The following GPC6 variants were observed in gnomAD, a reference collection of about 807,000 sequenced individuals.
GPC6 encodes glypican-6.
Under a neutral mutation model 55.2 loss-of-function variants are expected in GPC6, and 14 were observed. The observed-to-expected ratio is 0.25, with a 90% CI of 0.17 to 0.40. The LOEUF (loss-of-function observed/expected upper bound fraction) is 0.40, where lower values mean the gene tolerates loss of function less well. Among genes scored for constraint, GPC6 ranks in the 10% least tolerant of loss-of-function variants. The pLI, the probability that GPC6 is intolerant of heterozygous loss-of-function variation, is 1.00. For synonymous variants in GPC6, 278 were observed against 259.6 expected (o/e 1.07, Z -0.68); for missense variants, 641 against 708.5 (o/e 0.90, Z 1.08).
chr13:94,087,934 C>T (rs1430834445), intron 4 of GPC6, among the ~76,000 whole-genome samples: 1 of 152,190 alleles, frequency 6.6e-6, no homozygotes, highest in Non-Finnish European at 1.5e-5. Context: ...TACCAGCCTA[C>T]AGAATTCCAC....
rs566027908 is a variant in GPC6 at position 93,925,606 on chromosome 13, G to C, written c.711+95061G>C. ...AGTGCAGAGATGAAAGCCTAATCTA[G>C]TAATCTATTGCTGTGTAACAAACTA... is the stretch of plus-strand genomic sequence containing the variant. On this transcript the variant is annotated intron_variant, in intron 3 of 8. Coordinates refer to ENST00000377047, the MANE Select transcript of GPC6 (RefSeq NM_005708.5). Among the ~76,000 whole-genome samples, 14 of 152,292 alleles carry C rather than the reference G, an allele frequency of 9.2e-5. No homozygotes were observed. In the South Asian group the frequency reaches 2.9e-3, roughly 32 times the overall value.
At chr13:93,685,919 A>G (rs375603400) in intron 2 of GPC6, among the ~76,000 whole-genome samples, 13 of 152,234 alleles carry the variant, frequency 8.5e-5, no homozygotes, top group East Asian at 5.8e-4. Flanking sequence ...ATTCATACCT[A>G]ATAGGATTAA....
chr13:93,515,919 C>T (rs1881171735), intron 1 of GPC6, among the ~76,000 whole-genome samples: 1 of 151,982 alleles, frequency 6.6e-6, no homozygotes, highest in African/African-American at 2.4e-5. Context: ...CGCAGAAAGC[C>T]AAGGAAAATA....
intron 6 of GPC6, among the ~76,000 whole-genome samples, chr13:94,368,550 T>G (rs1879389687): frequency 1.3e-5 from 2 of 152,194 alleles, no homozygotes; most frequent in South Asian, 2.1e-4. Flanking sequence ...AAAACTGATA[T>G]TCTAGTGAAG....
Position 93,527,938 on chromosome 13 carries a change from CT to C in GPC6, c.161-17322del, listed in dbSNP as rs1460016132. 1.2e-4 allele frequency among the ~76,000 whole-genome samples: 18 copies of C among 152,188 alleles called. No homozygotes were observed. The East Asian group carries it at 3.5e-3, about 29-fold the overall frequency. ...CTTGTGACATTTCTAGCCACTTTGC[CT>C]TTCATCGTTTTACTCTATGTGATAT... is the stretch of plus-strand genomic sequence containing the variant. On this transcript the variant is annotated intron_variant, in intron 1 of 8. Coordinates refer to ENST00000377047, the MANE Select transcript of GPC6 (RefSeq NM_005708.5).
intron 3 of GPC6, among the ~76,000 whole-genome samples, chr13:93,902,155 G>A (rs926482853): frequency 1.3e-5 from 2 of 152,002 alleles, no homozygotes; most frequent in African/African-American, 4.8e-5. Context: ...CAGAACACTG[G>A]AACTTATCCC....
chr13:94,369,448 C>A (rs529585946), intron 6 of GPC6, among the ~76,000 whole-genome samples: 1 of 152,280 alleles, frequency 6.6e-6, no homozygotes, highest in Non-Finnish European at 1.5e-5. Context: ...TCAGAGAATT[C>A]ACATGGGATA....
intron 1 of GPC6, among the ~76,000 whole-genome samples, chr13:93,294,265 A>G (rs1340916653): frequency 6.6e-6 from 1 of 152,216 alleles, no homozygotes; most frequent in Non-Finnish European, 1.5e-5. Flanking sequence ...CAGGCCTTCA[A>G]TAAGAAAATA....
intron 1 of GPC6, among the ~76,000 whole-genome samples, chr13:93,264,743 T>A (rs938799128): frequency 4.5e-4 from 68 of 152,180 alleles, no homozygotes; most frequent in African/African-American, 1.6e-3. Flanking sequence ...TAATACCTAA[T>A]ACAGTGTAAA....
At chr13:94,401,311 G>A (rs1881118537) in intron 8 of GPC6, among the ~76,000 whole-genome samples, 1 of 152,184 alleles carries the variant, frequency 6.6e-6, no homozygotes, top group East Asian at 1.9e-4. Flanking sequence ...TAAACAGTAA[G>A]CAAGTGAACA....
At chr13:93,636,907 C>G (rs1472108707) in intron 2 of GPC6, among the ~76,000 whole-genome samples, 1 of 151,050 alleles carries the variant, frequency 6.6e-6, no homozygotes, top group Non-Finnish European at 1.5e-5. Context: ...CTCCTTCAAA[C>G]AGCACAGAAT....
chr13:93,459,413 A>T (rs1047354208), intron 1 of GPC6, among the ~76,000 whole-genome samples: 4 of 152,200 alleles, frequency 2.6e-5, no homozygotes, highest in African/African-American at 9.6e-5. Flanking sequence ...TTGCTGTTTA[A>T]CCATAAAAGA....
chr13:93,719,587 C>G (rs1883378562), intron 2 of GPC6, among the ~76,000 whole-genome samples: 1 of 151,974 alleles, frequency 6.6e-6, no homozygotes, highest in South Asian at 2.1e-4. Flanking sequence ...ATTTCTCTTG[C>G]CTGATTGCCC....
intron 1 of GPC6, among the ~76,000 whole-genome samples, chr13:93,401,342 A>T (rs1267753316): frequency 6.6e-6 from 1 of 152,106 alleles, no homozygotes; most frequent in Non-Finnish European, 1.5e-5. Context: ...GAGCGCTGTC[A>T]GGGAGGGTGG....
At chr13:94,164,978 C>G (rs1397272491) in intron 4 of GPC6, among the ~76,000 whole-genome samples, 2 of 151,568 alleles carry the variant, frequency 1.3e-5, no homozygotes, top group Non-Finnish European at 2.9e-5. Flanking sequence ...CACTATGGAA[C>G]AGAGTGTGGA....
At chr13:94,196,913 G>T (rs924936903) in intron 4 of GPC6, among the ~76,000 whole-genome samples, 4 of 152,162 alleles carry the variant, frequency 2.6e-5, no homozygotes, top group Admixed American at 2.0e-4. Flanking sequence ...TGGCTAATTT[G>T]TTTCTGGATT....
intron 2 of GPC6, among the ~76,000 whole-genome samples, chr13:93,696,957 T>A (rs914815418): frequency 6.6e-6 from 1 of 152,110 alleles, no homozygotes. Context: ...TTTAAAGCTG[T>A]ATTTCTTGAG....
At chr13:93,993,559 G>T (rs1193053144) in intron 3 of GPC6, among the ~76,000 whole-genome samples, 1 of 151,856 alleles carries the variant, frequency 6.6e-6, no homozygotes, top group African/African-American at 2.4e-5. Flanking sequence ...GCCTCCCAAA[G>T]TGCTGAGATT....
chr13:94,017,180 A>G (rs756038547), intron 3 of GPC6, among the ~76,000 whole-genome samples: 45 of 152,116 alleles, frequency 3.0e-4, no homozygotes, highest in Non-Finnish European at 5.1e-4. Flanking sequence ...CTGTATAGAA[A>G]CCCAACACAT....
Sources: allele counts gnomAD v4.1 joint callset (sites outside exome capture counted in the v4.1 genomes callset), GRCh38; gene constraint gnomAD v4.1.1; transcripts MANE v1.5; gene names NCBI Gene and HGNC (gene_info 2026-07-23, HGNC 2026-07-21).